The following PAPPA2 variants were observed in gnomAD, a reference collection of about 807,000 sequenced individuals.
The protein encoded by PAPPA2 is pappalysin-2.
Under a neutral mutation model 176.4 loss-of-function variants are expected in PAPPA2, and 86 were observed. That is an observed-to-expected ratio of 0.49 (90% CI 0.41 to 0.58). The LOEUF is 0.58. Among genes scored for constraint, PAPPA2 ranks in the 20% least tolerant of loss-of-function variants. The pLI is 0.00. For synonymous variants in PAPPA2, 809 were observed against 852.2 expected (o/e 0.95, Z 0.88); for missense variants, 2,073 against 2,256.9 (o/e 0.92, Z 1.65).
At chr1:176,660,727 A>G (rs1165211025) in intron 3 of PAPPA2, among the ~76,000 whole-genome samples, 3 of 152,184 alleles carry the variant, frequency 2.0e-5, no homozygotes, top group Admixed American at 6.6e-5. Flanking sequence ...AAAATTCAAC[A>G]AAATAATCAA....
In PAPPA2 at chr1:176,795,655, A is replaced by G. The variant is rs927590259; in HGVS notation, c.5130+1986A>G. Among the ~76,000 whole-genome samples the G allele has an allele frequency of 5.3e-5, 8 of 152,330 alleles. No homozygotes were observed. The South Asian group carries it at 1.7e-3, about 32-fold the overall frequency. On this transcript the variant is annotated intron_variant, in intron 20 of 22. Transcript: ENST00000367662. Reference sequence around the variant, plus strand: ...TTGAAAGTGTTTCCTTCTGAAGTACAAAGACATTCATCATGACATCTCATT... The same window carrying G: ...TTGAAAGTGTTTCCTTCTGAAGTACGAAGACATTCATCATGACATCTCATT...
chr1:176,539,328 T>C (rs1402907961), intron 1 of PAPPA2, among the ~76,000 whole-genome samples: 1 of 152,126 alleles, frequency 6.6e-6, no homozygotes, highest in Admixed American at 6.5e-5. Context: ...TGAAGGCACA[T>C]GAAGTGAAGC....
At position 176,556,767 on chromosome 1, in the gene PAPPA2, G is replaced by A. The variant is rs370618435; in HGVS notation, c.445G>A (p.Gly149Ser). Residue 149 changes from glycine to serine, a missense_variant, in exon 2 of 23, where the codon GGC becomes AGC. Physicochemically the swap from Gly to Ser is moderately conservative, Grantham distance 56. Coordinates refer to ENST00000367662, the MANE Select transcript of PAPPA2 (RefSeq NM_020318.3). ...ELLGDDDAYLGNQRSKESLGE... is the reference protein window; with the variant it reads ...ELLGDDDAYLSNQRSKESLGE... Reference sequence around the variant, plus strand: ...GCTGGGAGATGATGACGCTTATCTCGGCAATCAAAGATCCAAGGAGTCTCT... The same window carrying A: ...GCTGGGAGATGATGACGCTTATCTCAGCAATCAAAGATCCAAGGAGTCTCT... 1.2e-4 allele frequency: 187 copies of A among 1,614,044 alleles called. No individual in the cohort carries two copies. In the South Asian group the frequency reaches 1.7e-3, roughly 15 times the overall value.
chr1:176,608,086 TATC>T (rs1215407589), intron 3 of PAPPA2, among the ~76,000 whole-genome samples: 6 of 152,212 alleles, frequency 3.9e-5, no homozygotes, highest in Non-Finnish European at 8.8e-5. Flanking sequence ...TTTTTCAAGA[TATC>T]ATCATTGAAG....
At chr1:176,494,462 C>T (rs1244662500) in intron 1 of PAPPA2, among the ~76,000 whole-genome samples, 1 of 152,184 alleles carries the variant, frequency 6.6e-6, no homozygotes, top group South Asian at 2.1e-4. Flanking sequence ...GAACAGTATT[C>T]TGTTGCATTT....
At chr1:176,558,854 G>A (rs577290631) in intron 2 of PAPPA2, among the ~76,000 whole-genome samples, 1 of 152,068 alleles carries the variant, frequency 6.6e-6, no homozygotes, top group East Asian at 1.9e-4. Flanking sequence ...TAAAGACCGG[G>A]GATCAATTCC....
At chr1:176,738,837 T>C (rs1439856751) in intron 12 of PAPPA2, among the ~76,000 whole-genome samples, 1 of 152,138 alleles carries the variant, frequency 6.6e-6, no homozygotes, top group Non-Finnish European at 1.5e-5. Context: ...GATGTTTTTT[T>C]TCTTTTCTTT....
chr1:176,632,755 C>G (rs965383439), intron 3 of PAPPA2, among the ~76,000 whole-genome samples: 2 of 152,170 alleles, frequency 1.3e-5, no homozygotes, highest in Non-Finnish European at 2.9e-5. Context: ...CTTCAGCAGT[C>G]CTTGAGTTGC....
chr1:176,792,788 G>C (rs1309883189), intron 19 of PAPPA2, among the ~76,000 whole-genome samples: 1 of 152,088 alleles, frequency 6.6e-6, no homozygotes, highest in Non-Finnish European at 1.5e-5. Context: ...GGACTAAAAA[G>C]AAACTTGGAA....
intron 21 of PAPPA2, among the ~76,000 whole-genome samples, chr1:176,813,765 T>G (rs909294606): frequency 6.6e-5 from 10 of 152,250 alleles, no homozygotes; most frequent in Non-Finnish European, 1.5e-4. Flanking sequence ...TAGTATCTTT[T>G]GCTGTGCAGA....
chr1:176,547,567 C>A (rs1225042254), intron 1 of PAPPA2, among the ~76,000 whole-genome samples: 5 of 152,152 alleles, frequency 3.3e-5, no homozygotes, highest in Non-Finnish European at 7.4e-5. Flanking sequence ...CATGCAAAAA[C>A]TTTAAGAGCA....
At chr1:176,560,283 C>T (rs1298131304) in intron 2 of PAPPA2, among the ~76,000 whole-genome samples, 1 of 152,210 alleles carries the variant, frequency 6.6e-6, no homozygotes, top group African/African-American at 2.4e-5. Flanking sequence ...CTCTCCCTCC[C>T]CCACTCCAAA....
chr1:176,677,978 G>A lies in PAPPA2; in HGVS notation c.2137+6863G>A, dbSNP rs531101086. On this transcript the variant is annotated intron_variant, in intron 4 of 22. Coordinates refer to ENST00000367662, the MANE Select transcript of PAPPA2 (RefSeq NM_020318.3). ...CATACATGAAGTTAGGCAGTAACAT[G>A]GAAAGGAAAGTGCCTAATTGTGCTG... 2.0e-5 allele frequency among the ~76,000 whole-genome samples: 3 copies of A among 152,308 alleles called. No individual in the cohort carries two copies. The East Asian group carries it at 5.8e-4, about 29-fold the overall frequency.
intron 12 of PAPPA2, among the ~76,000 whole-genome samples, chr1:176,713,027 T>G (rs1475302321): frequency 6.6e-6 from 1 of 152,232 alleles, no homozygotes; most frequent in Admixed American, 6.5e-5. Context: ...TGTCATTTTC[T>G]TCATAATTTG....
intron 1 of PAPPA2, among the ~76,000 whole-genome samples, chr1:176,475,461 T>C (rs1484773198): frequency 6.6e-6 from 1 of 152,168 alleles, no homozygotes; most frequent in Admixed American, 6.5e-5. Context: ...AGGTCTACAC[T>C]GGGGAGAGAG....
chr1:176,488,087 T>G (rs6676641), intron 1 of PAPPA2, among the ~76,000 whole-genome samples: 56,357 of 151,918 alleles, frequency 0.37, 12,296 homozygotes, highest in African/African-American at 0.59. Context: ...TGCATGATAT[T>G]GTTGTTTCTC....
intron 3 of PAPPA2, among the ~76,000 whole-genome samples, chr1:176,656,307 A>G (rs1166558084): frequency 1.3e-5 from 2 of 151,790 alleles, no homozygotes; most frequent in Admixed American, 1.3e-4. Flanking sequence ...GAGTCTAGTT[A>G]TATCTGAAAC....
chr1:176,727,374 A>G (rs1245313932), intron 12 of PAPPA2, among the ~76,000 whole-genome samples: 1 of 152,174 alleles, frequency 6.6e-6, no homozygotes, highest in African/African-American at 2.4e-5. Flanking sequence ...AAAATTATGT[A>G]CCATGTATAT....
At chr1:176,800,563 G>A (rs1031219798) in intron 21 of PAPPA2, among the ~76,000 whole-genome samples, 2 of 152,044 alleles carry the variant, frequency 1.3e-5, no homozygotes, top group South Asian at 4.2e-4. Context: ...ATTCATATGT[G>A]CATATATAAC....
Sources: gnomAD v4.1 joint callset for allele counts (sites outside exome capture counted in the v4.1 genomes callset) on GRCh38, gnomAD v4.1.1 for gene constraint, MANE v1.5 for transcripts, NCBI Gene and HGNC (gene_info 2026-07-23, HGNC 2026-07-21) for gene names.